Variants in SEC14L3 observed in about 807,000 individuals in gnomAD.
SEC14L3 encodes the protein SEC14-like protein 3.
A neutral mutation model predicts 57.4 loss-of-function variants in SEC14L3; 56 were observed. The ratio of observed to expected loss-of-function variants is 0.97; its 90% confidence interval spans 0.79 to 1.22. The LOEUF (loss-of-function observed/expected upper bound fraction) is 1.22. Among genes scored for constraint, SEC14L3 ranks in the 50% most tolerant of loss-of-function variants. The pLI, the probability that SEC14L3 is intolerant of heterozygous loss-of-function variation, is 0.00. For synonymous variants in SEC14L3, 173 were observed against 194.4 expected, an observed-to-expected ratio of 0.89 and a Z score of 0.92; for missense variants, 485 against 511.7, an observed-to-expected ratio of 0.95 and a Z score of 0.50.
chr22:30,470,708 G>C (rs1935579817), intron 1 of SEC14L3, 126 bp from the exon 2 acceptor site: 1 of 1,520,406 alleles, frequency 6.6e-7, no homozygotes, highest in Non-Finnish European at 8.8e-7. Context: ...ATGAAAGGAT[G>C]GGTTAATGGT....
In SEC14L3 at chr22:30,464,883, C is replaced by T. The variant is rs1569229782; in HGVS notation, c.601G>A (p.Gly201Ser). 1 of 1,613,956 alleles carries T rather than the reference C, an allele frequency of 6.2e-7. No individual in the cohort carries two copies. Residue 201 changes from glycine to serine, a missense_variant, in exon 8 of 12, where the codon GGC becomes AGC. Coordinates refer to ENST00000215812, the MANE Select transcript of SEC14L3 (RefSeq NM_174975.5). ...IVKATKLFPV[G>S]YNLMKPFLSE... is the part of the protein sequence containing the mutation. ...AGGAATGGCTTCATGAGGTTGTAGC[C>T]CACAGGGAACAGTTTGGTAGCTGGA...
intron 9 of SEC14L3, 37 bp from the exon 10 acceptor site, chr22:30,461,731 C>T (rs1418427233): frequency 6.3e-7 from 1 of 1,589,614 alleles, no homozygotes; most frequent in Admixed American, 1.8e-5. Flanking sequence ...GCTTCCGTCT[C>T]CTGGCCATTG....
At chr22:30,456,314 AAAAAC>A (rs933220500), downstream of SEC14L3, among the ~76,000 whole-genome samples, 13 of 151,612 alleles carry the variant, frequency 8.6e-5, no homozygotes, top group African/African-American at 2.7e-4. Flanking sequence ...AAAAAAAAAA[AAAAAC>A]AAACACCAAA....
intron 9 of SEC14L3, 147 bp from the exon 10 acceptor site, chr22:30,461,841 C>A: frequency 8.5e-7 from 1 of 1,182,926 alleles, no homozygotes. Flanking sequence ...TATGACCCTC[C>A]AAACTGGGCC....
At chr22:30,452,686 A>G (rs79759561) in intron 12 of SEC14L3, among the ~76,000 whole-genome samples, 1,624 of 151,402 alleles carry the variant, frequency 0.011, 35 homozygotes, top group African/African-American at 0.037. Flanking sequence ...TTGACTTGCA[A>G]TAAAAGCTCT....
At chr22:30,468,244 A>G (rs1377044690) in intron 5 of SEC14L3, among the ~76,000 whole-genome samples, 1 of 150,836 alleles carries the variant, frequency 6.6e-6, no homozygotes, top group Non-Finnish European at 1.5e-5. Context: ...ACACCACTGC[A>G]CTCCAGCCTA....
At chr22:30,456,592 G>A (rs987380095), downstream of SEC14L3, among the ~76,000 whole-genome samples, 2 of 152,016 alleles carry the variant, frequency 1.3e-5, no homozygotes, top group Non-Finnish European at 2.9e-5. Context: ...TGGCGGGCAG[G>A]CACCAAGCCA....
At chr22:30,461,212 TG>T (rs1935244774) in intron 11 of SEC14L3, 97 bp downstream of exon 11, 2 of 1,409,018 alleles carry the variant, frequency 1.4e-6, no homozygotes, top group African/African-American at 2.9e-5. Flanking sequence ...TGTCCCTGAA[TG>T]GGGGAGGTGT....
chr22:30,465,525 G>C (rs1279538142), intron 7 of SEC14L3, among the ~76,000 whole-genome samples: 1 of 151,466 alleles, frequency 6.6e-6, no homozygotes, highest in Non-Finnish European at 1.5e-5. Flanking sequence ...TAACCAGCCA[G>C]CCAACCATCC....
intron 8 of SEC14L3, among the ~76,000 whole-genome samples, chr22:30,462,546 A>G (rs1935300402): frequency 6.6e-6 from 1 of 152,048 alleles, no homozygotes; most frequent in Non-Finnish European, 1.5e-5. Flanking sequence ...AGCTGGGACT[A>G]CAAGCATGTA....
Position 30,460,793 on chromosome 22 carries a change from A to T in SEC14L3, c.1081+517T>A, listed in dbSNP as rs1196348605. Among the ~76,000 whole-genome samples the T allele has an allele frequency of 2.8e-5, 4 of 141,930 alleles. No homozygotes were observed. In the East Asian group the frequency reaches 8.3e-4, roughly 30 times the overall value. 93.1% of individuals were successfully genotyped at this position (141,930 alleles called of 152,430 possible). On this transcript the variant is annotated intron_variant, in intron 11 of 11. Coordinates refer to ENST00000215812, the MANE Select transcript of SEC14L3 (RefSeq NM_174975.5). The stretch of plus-strand genomic sequence containing the variant: ...CGGTGAGCAGAGATTGCACCATTGC[A>T]CTCCAGCCTGGACAACAAGAGTGAA...
At chr22:30,452,131 C>A (rs776783000) in intron 12 of SEC14L3, among the ~76,000 whole-genome samples, 1 of 151,768 alleles carries the variant, frequency 6.6e-6, no homozygotes, top group Non-Finnish European at 1.5e-5. Flanking sequence ...GACGTTGTAG[C>A]CTGAATTTCC....
At chr22:30,453,805 G>T (rs577608925) in intron 12 of SEC14L3, among the ~76,000 whole-genome samples, 27 of 152,164 alleles carry the variant, frequency 1.8e-4, no homozygotes, top group Non-Finnish European at 2.5e-4. Context: ...AGGGAGGAGA[G>T]ATAGGGCTGA....
chr22:30,471,949 G>C lies in SEC14L3; in HGVS notation c.10C>G (p.Arg4Gly). 4 of 1,608,276 alleles carry C rather than the reference G, an allele frequency of 2.5e-6. No homozygotes were observed. Among genetic ancestry groups the C allele is most frequent in the Non-Finnish European group, 3.4e-6 (4 of 1,177,208 alleles). The change falls in exon 1 of 12, where the codon CGA becomes GGA. Residue 4 changes from arginine (R) to glycine (G), a missense_variant. Physicochemically the swap from Arg to Gly is moderately radical, Grantham distance 125 (BLOSUM62 -2). Transcript: ENST00000215812. ...TGTTTGGGGCTCAGGTCTCCAACTC[G>C]GCCGCTCATGGTGCTGGCTGGGGCT... MSG[R>G]VGDLSPKQAE...
chr22:30,462,027 GA>G (rs1412564865), intron 9 of SEC14L3, 58 bp downstream of exon 9: 1 of 1,537,550 alleles, frequency 6.5e-7, no homozygotes, highest in Admixed American at 1.8e-5. Flanking sequence ...TGACTGAGTG[GA>G]AAGGGAATCC....
chr22:30,454,508 TATA>T (rs1367396316), downstream of SEC14L3, among the ~76,000 whole-genome samples: 8 of 136,224 alleles, frequency 5.9e-5, no homozygotes, highest in Non-Finnish European at 1.1e-4. Context: ...ATATATAATC[TATA>T]ATAATATTAT....
intron 12 of SEC14L3, among the ~76,000 whole-genome samples, chr22:30,453,064 C>T (rs1025434296): frequency 6.6e-6 from 1 of 152,152 alleles, no homozygotes; most frequent in Non-Finnish European, 1.5e-5. Context: ...GTATTGGCTT[C>T]TAGCACACTG....
In SEC14L3 at chr22:30,459,529, A is replaced by G. The variant is rs1935185401; in HGVS notation, c.*492T>C. 2.0e-6 allele frequency: 2 copies of G among 985,924 alleles called. No homozygotes were observed. Among genetic ancestry groups the G allele is most frequent in the South Asian group, 4.7e-5 (1 of 21,312 alleles). The allele number at this position is 985,924 out of a possible 1,614,324, so 61.1% of individuals were successfully genotyped here. A position where few individuals can be genotyped will look rare whatever the true frequency, so the allele number is the denominator to read the frequency against. ...CAAGGTGCTGAAATCCACCCCACATAGGCTCCTCCTAATCATGTACAGCTG... is the reference window on the plus strand; with the variant it reads ...CAAGGTGCTGAAATCCACCCCACATGGGCTCCTCCTAATCATGTACAGCTG... On this transcript the variant is annotated 3_prime_UTR_variant, in exon 12 of 12. Transcript: ENST00000215812.
chr22:30,449,553 CT>C (rs1934940239), intron 12 of SEC14L3, among the ~76,000 whole-genome samples: 3 of 142,748 alleles, frequency 2.1e-5, no homozygotes, highest in Non-Finnish European at 3.0e-5. Flanking sequence ...TTTTTCTTTT[CT>C]TTTCTTTTCT....
Sources: allele counts gnomAD v4.1 joint callset (sites outside exome capture counted in the v4.1 genomes callset), GRCh38; gene constraint gnomAD v4.1.1; transcripts MANE v1.5; gene names NCBI Gene and HGNC (gene_info 2026-07-23, HGNC 2026-07-21).